DMD: variants seen among roughly 807,000 people sequenced by gnomAD.
The protein encoded by DMD is mutant dystrophin.
DMD carries 63 observed loss-of-function variants against 330.1 expected under a neutral mutation model. The observed-to-expected ratio is 0.19, with a 90% CI of 0.16 to 0.24. The LOEUF is 0.24. Among genes scored for constraint, DMD ranks in the 10% least tolerant of loss-of-function variants. The pLI is 1.00. For synonymous variants in DMD, 1,223 were observed against 959.8 expected, an observed-to-expected ratio of 1.27 and a Z score of -5.07; for missense variants, 3,344 against 2,684.1, an observed-to-expected ratio of 1.25 and a Z score of -5.43.
chrX:31,694,649 T>TATATATAC (rs1156942395), intron 52 of DMD, among the ~76,000 whole-genome samples: 5 of 75,643 alleles, frequency 6.6e-5, no homozygotes, highest in South Asian at 6.0e-4. Flanking sequence ...TATATATATA[T>TATATATAC]ACACACACAT....
chrX:32,534,895 G>A (rs1035228821), intron 17 of DMD, among the ~76,000 whole-genome samples: 2 of 111,009 alleles, frequency 1.8e-5, no homozygotes, highest in African/African-American at 6.6e-5. Context: ...CTCTGTGGTA[G>A]CATAATATGT....
At chrX:31,293,723 G>T (rs965205871) in intron 62 of DMD, among the ~76,000 whole-genome samples, 1 of 112,334 alleles carries the variant, frequency 8.9e-6, no homozygotes, top group African/African-American at 3.2e-5. Context: ...TCAGGGCACA[G>T]AATGAGACAC....
intron 76 of DMD, among the ~76,000 whole-genome samples, chrX:31,142,521 T>C (rs1206801085): frequency 8.9e-6 from 1 of 112,599 alleles, no homozygotes. Context: ...GTTGAATTAA[T>C]TGCAGTTTTG....
At chrX:32,892,375 TTTTG>T (rs761696459) in intron 2 of DMD, among the ~76,000 whole-genome samples, 16 of 109,750 alleles carry the variant, frequency 1.5e-4, no homozygotes, top group Non-Finnish European at 2.5e-4. Context: ...CGCCATGTTG[TTTTG>T]TTTGTTTTCG....
chrX:32,439,041 T>TA (rs1350528542), intron 28 of DMD, among the ~76,000 whole-genome samples: 1 of 111,593 alleles, frequency 9.0e-6, no homozygotes, highest in African/African-American at 3.3e-5. Flanking sequence ...CCTATACTGC[T>TA]CAAAATTGAC....
At chrX:32,216,754 C>T in intron 44 of DMD, 162 bp downstream of exon 44, 3 of 501,175 alleles carry the variant, frequency 6.0e-6, no homozygotes, top group South Asian at 3.1e-5. Flanking sequence ...GCACCGTGCT[C>T]TAATATTATC....
chrX:32,399,509 A>T (rs546280717), intron 30 of DMD, among the ~76,000 whole-genome samples: 2,897 of 111,740 alleles, frequency 0.026, 59 homozygotes, highest in African/African-American at 0.069. Context: ...ATAACAGAAT[A>T]GTAAATCAAA....
intron 17 of DMD, among the ~76,000 whole-genome samples, chrX:32,531,703 A>G (rs1024543104): frequency 1.8e-5 from 2 of 111,278 alleles, no homozygotes; most frequent in Non-Finnish European, 3.8e-5. Flanking sequence ...TCTGAATCCA[A>G]AGATTTCTAC....
intron 1 of DMD, among the ~76,000 whole-genome samples, chrX:33,228,947 A>G (rs752775928): frequency 6.3e-5 from 7 of 110,654 alleles, no homozygotes; most frequent in Non-Finnish European, 1.3e-4. Flanking sequence ...TGTGGTTTCA[A>G]TTTATATTTG....
chrX:31,527,456 C>T (rs1429898104), intron 55 of DMD, among the ~76,000 whole-genome samples: 1 of 112,071 alleles, frequency 8.9e-6, no homozygotes, highest in Non-Finnish European at 1.9e-5. Flanking sequence ...ATTTTCTACA[C>T]AATCTTTTTT....
intron 60 of DMD, among the ~76,000 whole-genome samples, chrX:31,428,723 A>C (rs1362052070): frequency 8.9e-6 from 1 of 112,477 alleles, no homozygotes; most frequent in Non-Finnish European, 1.9e-5. Context: ...ACAAATATTT[A>C]CCACGCTAAG....
intron 1 of DMD, among the ~76,000 whole-genome samples, chrX:33,276,307 A>AT (rs1005904669): frequency 1.8e-5 from 2 of 109,109 alleles, no homozygotes; most frequent in East Asian, 2.9e-4. Context: ...AGGCTGGAGT[A>AT]TTTTTTTTTA....
At chrX:32,614,555 A>T in intron 11 of DMD, 102 bp from the exon 12 acceptor site, 1 of 699,604 alleles carries the variant, frequency 1.4e-6, no homozygotes, top group Non-Finnish European at 2.2e-6. Context: ...GAATGTTCGC[A>T]TTTGGGGGCA....
intron 9 of DMD, among the ~76,000 whole-genome samples, chrX:32,654,901 A>C (rs1166274107): frequency 8.9e-6 from 1 of 111,776 alleles, no homozygotes; most frequent in African/African-American, 3.3e-5. Flanking sequence ...CCACGAATTT[A>C]TCCATTCCTT....
chrX:32,694,052 C>A (rs2063473623), intron 9 of DMD, among the ~76,000 whole-genome samples: 1 of 111,949 alleles, frequency 8.9e-6, no homozygotes, highest in Admixed American at 9.5e-5. Flanking sequence ...GTTATTTGAA[C>A]TCATCAGCAA....
At chrX:32,090,157 T>C (rs2096465699) in intron 44 of DMD, among the ~76,000 whole-genome samples, 2 of 111,851 alleles carry the variant, frequency 1.8e-5, no homozygotes, top group African/African-American at 6.5e-5. Flanking sequence ...TAAACAGAGA[T>C]GACATGATAG....
chrX:33,008,612 G>A (rs1264736370), intron 2 of DMD, among the ~76,000 whole-genome samples: 10 of 109,032 alleles, frequency 9.2e-5, no homozygotes, highest in Non-Finnish European at 1.3e-4. Flanking sequence ...AGAAATTTGC[G>A]GATACAGTCA....
intron 28 of DMD, among the ~76,000 whole-genome samples, chrX:32,439,905 G>A (rs1041180733): frequency 1.8e-5 from 2 of 111,091 alleles, no homozygotes; most frequent in African/African-American, 6.5e-5. Context: ...GGCATTGTGA[G>A]GGCCTCGTCT....
In DMD at chrX:32,995,615, A is replaced by T. The variant is rs556726414; in HGVS notation, c.93+24524T>A. 9.8e-5 allele frequency among the ~76,000 whole-genome samples: 11 copies of T among 112,295 alleles called. 1 individual carries two copies. In the South Asian group the frequency reaches 4.1e-3, roughly 42 times the overall value. ...ACAGCCTGCATATTGCCACGGAAGA[A>T]GGCTGGGATCCTGTACCCTGAGATA... On this transcript the variant is annotated intron_variant, in intron 2 of 78. Coordinates refer to ENST00000357033, the MANE Select transcript of DMD (RefSeq NM_004006.3).
Sources: gnomAD v4.1 joint callset for allele counts (sites outside exome capture counted in the v4.1 genomes callset) on GRCh38, gnomAD v4.1.1 for gene constraint, MANE v1.5 for transcripts, NCBI Gene and HGNC (gene_info 2026-07-23, HGNC 2026-07-21) for gene names.